Variants in ZWILCH observed in about 807,000 individuals in gnomAD.
ZWILCH encodes protein zwilch homolog.
In ZWILCH, 74 loss-of-function variants were observed where a neutral mutation model predicts 79.9. That is an observed-to-expected ratio of 0.93 (90% CI 0.77 to 1.12). The LOEUF is 1.12. Among genes scored for constraint, ZWILCH ranks in the 50% most tolerant of loss-of-function variants. The probability of loss-of-function intolerance (pLI) is 0.00; values close to 1 mark genes in which losing one functional copy is unlikely to be tolerated. For synonymous variants in ZWILCH, 241 were observed against 228.2 expected, an observed-to-expected ratio of 1.06 and a Z score of -0.51; for missense variants, 694 against 687.5, an observed-to-expected ratio of 1.01 and a Z score of -0.11.
intron 7 of ZWILCH, 87 bp downstream of exon 7, chr15:66,521,292 G>T: frequency 5.4e-6 from 8 of 1,483,288 alleles, no homozygotes; most frequent in Non-Finnish European, 7.3e-6. Context: ...CATGCCTCTA[G>T]CCTTGGCACT....
At position 66,508,802 on chromosome 15, in the gene ZWILCH, A is replaced by G. The variant is rs746515939; in HGVS notation, c.54-39A>G. 3.7e-6 allele frequency: 6 copies of G among 1,613,004 alleles called. 1 individual carries two copies. The Admixed American group carries it at 8.3e-5, about 22-fold the overall frequency. On this transcript the variant is annotated intron_variant, in intron 1 of 18. Transcript: ENST00000307897. Reference sequence around the variant, plus strand: ...CCTGAGTGTGAATAACGGGAGAGATAATGTAGTTCTGTTTTTCACATGTGG... The same window carrying G: ...CCTGAGTGTGAATAACGGGAGAGATGATGTAGTTCTGTTTTTCACATGTGG...
At chr15:66,505,533 C>T (rs895953706) in intron 1 of ZWILCH, 142 bp downstream of exon 1, 3 of 959,958 alleles carry the variant, frequency 3.1e-6, no homozygotes, top group Admixed American at 2.5e-5. Flanking sequence ...TGGGGAGAGG[C>T]CGGTTCTCGG....
At position 66,518,961 on chromosome 15, in the gene ZWILCH, C is replaced by A. The variant is rs1240773017; in HGVS notation, c.403C>A (p.Pro135Thr). 2.5e-6 allele frequency: 4 copies of A among 1,614,106 alleles called. No individual in the cohort carries two copies. The highest frequency in any genetic ancestry group is 3.4e-6 in the Non-Finnish European group (4 of 1,180,048). The change falls in exon 5 of 19, where the codon CCC (proline) becomes ACC (threonine). Residue 135 changes from proline (P) to threonine (T), a missense_variant. Transcript: ENST00000307897. Reference protein sequence around the residue: ...KINLPVTALPPLWVRCDSSDP... With the variant: ...KINLPVTALPTLWVRCDSSDP... ...TAATCTGCCAGTTACTGCCCTTCCT[C>A]CCCTTTGGGTAAGATGTGACAGTTC... is the stretch of plus-strand genomic sequence containing the variant.
intron 17 of ZWILCH, among the ~76,000 whole-genome samples, chr15:66,542,894 T>C (rs1349322257): frequency 6.6e-6 from 1 of 152,216 alleles, no homozygotes; most frequent in Non-Finnish European, 1.5e-5. Flanking sequence ...ATTTATATTA[T>C]ATAGATACCT....
chr15:66,523,772 T>G (rs1171003203), intron 8 of ZWILCH, 24 bp downstream of exon 8: 2 of 1,551,058 alleles, frequency 1.3e-6, no homozygotes, highest in Non-Finnish European at 1.8e-6. Context: ...TAGAATTCCT[T>G]TCCTTAAATC....
chr15:66,530,559 C>T (rs113575595), intron 12 of ZWILCH, among the ~76,000 whole-genome samples: 13 of 152,246 alleles, frequency 8.5e-5, no homozygotes, highest in African/African-American at 3.1e-4. Flanking sequence ...ATTGCTTGAA[C>T]CCAGGAGGCA....
chr15:66,544,724 T>TTTGTGTGTGTGTGTGTGTG (rs145952622), intron 17 of ZWILCH, among the ~76,000 whole-genome samples: 6 of 128,544 alleles, frequency 4.7e-5, no homozygotes, highest in African/African-American at 1.8e-4. Context: ...TTTTTGGTTT[T>TTTGTGTGTGTGTGTGTGTG]TGTGTGTGTG....
intron 2 of ZWILCH, among the ~76,000 whole-genome samples, chr15:66,513,527 A>G (rs1046527250): frequency 6.6e-6 from 1 of 151,398 alleles, no homozygotes; most frequent in Admixed American, 6.6e-5. Context: ...GCATATGCCT[A>G]TGAATAGCCA....
intron 8 of ZWILCH, among the ~76,000 whole-genome samples, chr15:66,525,756 CTTTTTTTTTTT>C (rs66835007): frequency 0.017 from 1,623 of 93,556 alleles, 77 homozygotes; most frequent in Admixed American, 0.11. Context: ...TCACATTTTT[CTTTTTTTTTTT>C]TTTTTTTTTT....
intron 1 of ZWILCH, among the ~76,000 whole-genome samples, chr15:66,508,018 G>A (rs1051668171): frequency 6.6e-6 from 1 of 151,460 alleles, no homozygotes; most frequent in South Asian, 2.1e-4. Context: ...AATAAATCAC[G>A]ATCTTTCACA....
rs1894472319 is a variant in ZWILCH at position 66,521,025 on chromosome 15, GATCTGCTGGGTACA to G, written c.592-24_592-11del. 1 of 1,609,440 alleles carries G rather than the reference GATCTGCTGGGTACA, an allele frequency of 6.2e-7. No homozygotes were observed. Among genetic ancestry groups the G allele is most frequent in the Non-Finnish European group, 8.5e-7 (1 of 1,177,664 alleles). On this transcript the variant is annotated splice_polypyrimidine_tract_variant and intron_variant, in intron 6 of 18. Coordinates refer to ENST00000307897, the MANE Select transcript of ZWILCH (RefSeq NM_017975.5). ...TGGCCATGTGGAAGCACAGCTAAATGATCTGCTGGGTACACTCTTTTCAGGTAACATCCAAAGGC... is the reference window on the plus strand; with the variant it reads ...TGGCCATGTGGAAGCACAGCTAAATGCTCTTTTCAGGTAACATCCAAAGGC...
In ZWILCH at chr15:66,537,215, T is replaced by G; in HGVS notation, c.1526T>G (p.Ile509Ser). 1 of 1,612,842 alleles carries G rather than the reference T, an allele frequency of 6.2e-7. No homozygotes were observed. Among genetic ancestry groups the G allele is most frequent in the Non-Finnish European group, 8.5e-7 (1 of 1,179,512 alleles). The stretch of plus-strand genomic sequence containing the variant: ...CAAAATCCTCTTGATGAGCAACACA[T>G]TTTTCAGCTGCCAGTCAGACCAACT... ...YKQNPLDEQH[I>S]FQLPVRPTAV... The change falls in exon 16 of 19, where the codon ATT becomes AGT. Residue 509 changes from isoleucine to serine, a missense_variant. Ile to Ser is a moderately radical substitution (Grantham distance 142, BLOSUM62 -2). Transcript: ENST00000307897.
chr15:66,510,999 T>C (rs1048483515), intron 2 of ZWILCH, among the ~76,000 whole-genome samples: 1 of 152,168 alleles, frequency 6.6e-6, no homozygotes, highest in African/African-American at 2.4e-5. Context: ...GGTTAGACCT[T>C]CAAGATACCA....
chr15:66,516,820 G>A lies in ZWILCH; in HGVS notation c.320+1176G>A, dbSNP rs77929952. 5.0e-3 allele frequency among the ~76,000 whole-genome samples: 753 copies of A among 152,040 alleles called. 7 individuals carry two copies. Among genetic ancestry groups the A allele is most frequent in the African/African-American group, 0.017 (721 of 41,366 alleles). ...TGCGCCCAGCCTAGAAGTTTTAAAA[G>A]TTTAATCAGCCTCTTCCTTCATAGG... On this transcript the variant is annotated intron_variant, in intron 4 of 18. Coordinates refer to ENST00000307897, the MANE Select transcript of ZWILCH (RefSeq NM_017975.5).
intron 2 of ZWILCH, among the ~76,000 whole-genome samples, chr15:66,509,948 G>T (rs1281633983): frequency 6.8e-6 from 1 of 147,674 alleles, no homozygotes; most frequent in African/African-American, 2.5e-5. Flanking sequence ...AGGCTGAGGT[G>T]GATGGATCAC....
intron 5 of ZWILCH, among the ~76,000 whole-genome samples, chr15:66,520,206 G>A (rs574473115): frequency 3.3e-5 from 5 of 151,100 alleles, no homozygotes; most frequent in South Asian, 4.2e-4. Context: ...CTGCAGCCTC[G>A]ACCTCCTGGG....
At position 66,546,577 on chromosome 15, in the gene ZWILCH, C is replaced by G. The variant is rs367979083; in HGVS notation, c.1688-14C>G. 2.8e-5 allele frequency: 44 copies of G among 1,592,084 alleles called. No homozygotes were observed. Among genetic ancestry groups the G allele is most frequent in the Non-Finnish European group, 3.8e-5 (44 of 1,165,804 alleles). Reference sequence around the variant, plus strand: ...TGTTAAGCAATTCTGATCTCACTCTCTTTTTGATTACAGATTTTTCGGAAT... The same window carrying G: ...TGTTAAGCAATTCTGATCTCACTCTGTTTTTGATTACAGATTTTTCGGAAT... On this transcript the variant is annotated splice_polypyrimidine_tract_variant and intron_variant, in intron 17 of 18. Coordinates refer to ENST00000307897, the MANE Select transcript of ZWILCH (RefSeq NM_017975.5).
In ZWILCH at chr15:66,537,167, G is replaced by A; in HGVS notation, c.1479-1G>A. Reference sequence around the variant, plus strand: ...AAAGAGGTTCCATTTTGTTTTTTCAGGATCTGCATAAAGTATTACAAACAA... The same window carrying A: ...AAAGAGGTTCCATTTTGTTTTTTCAAGATCTGCATAAAGTATTACAAACAA... On this transcript the variant is annotated splice_acceptor_variant, in intron 15 of 18. Transcript: ENST00000307897. LOFTEE classifies it high-confidence loss of function. 6.2e-7 allele frequency: 1 copy of A among 1,609,356 alleles called. No homozygotes were observed. Among genetic ancestry groups the A allele is most frequent in the Non-Finnish European group, 8.5e-7 (1 of 1,178,346 alleles).
Position 66,533,012 on chromosome 15 carries a change from T to C in ZWILCH, c.1340T>C (p.Leu447Ser). 1 of 1,579,152 alleles carries C rather than the reference T, an allele frequency of 6.3e-7. No individual in the cohort carries two copies. The highest frequency in any genetic ancestry group is 8.6e-7 in the Non-Finnish European group (1 of 1,159,742). ...CAGGAACTTGCATCTTTGAATCATT[T>C]GGTGAGTTTATTTTTTTATTCTAAA... is the stretch of plus-strand genomic sequence containing the variant. The part of the protein sequence containing the change: ...IGQELASLNH[L>S]EYFIAPSVDI... Residue 447 changes from leucine (L) to serine (S), a missense_variant and splice_region_variant, in exon 14 of 19, where the codon TTG becomes TCG. Coordinates refer to ENST00000307897, the MANE Select transcript of ZWILCH (RefSeq NM_017975.5).
Sources: gnomAD v4.1 joint callset for allele counts (sites outside exome capture counted in the v4.1 genomes callset) on GRCh38, gnomAD v4.1.1 for gene constraint, MANE v1.5 for transcripts, NCBI Gene and HGNC (gene_info 2026-07-23, HGNC 2026-07-21) for gene names.